Variants in ADARB2 observed in about 807,000 individuals in gnomAD.
ADARB2 encodes inactive double-stranded RNA-specific editase B2.
A neutral mutation model predicts 62.2 loss-of-function variants in ADARB2; 25 were observed. The ratio of observed to expected loss-of-function variants is 0.40; its 90% CI spans 0.29 to 0.56. The LOEUF is 0.56. Among genes scored for constraint, ADARB2 ranks in the 20% least tolerant of loss-of-function variants. The pLI is 0.43. For synonymous variants in ADARB2, 572 were observed against 500.8 expected, an observed-to-expected ratio of 1.14 and a Z score of -1.90; for missense variants, 1,071 against 1,077.4, an observed-to-expected ratio of 0.99 and a Z score of 0.08.
intron 3 of ADARB2, among the ~76,000 whole-genome samples, chr10:1,351,667 C>T (rs1399461236): frequency 6.6e-6 from 1 of 152,056 alleles, no homozygotes; most frequent in Admixed American, 6.6e-5. Flanking sequence ...ACCGATCATG[C>T]ACCCCTCACC....
chr10:1,252,442 TG>T (rs1430547440), intron 4 of ADARB2, among the ~76,000 whole-genome samples: 1 of 152,230 alleles, frequency 6.6e-6, no homozygotes, highest in Admixed American at 6.5e-5. Flanking sequence ...AGTTTATCAG[TG>T]CTCAGTGTTA....
chr10:1,336,960 A>C (rs1322845328), intron 3 of ADARB2, among the ~76,000 whole-genome samples: 2 of 152,070 alleles, frequency 1.3e-5, no homozygotes, highest in Non-Finnish European at 2.9e-5. Context: ...GCCACAGATA[A>C]TGAGTCCAGA....
intron 1 of ADARB2, among the ~76,000 whole-genome samples, chr10:1,652,196 C>T (rs555439776): frequency 7.2e-5 from 11 of 152,318 alleles, no homozygotes; most frequent in South Asian, 6.2e-4. Flanking sequence ...GGCCACCTCA[C>T]GCCCTGCAGC....
intron 3 of ADARB2, among the ~76,000 whole-genome samples, chr10:1,280,583 G>A (rs1040579008): frequency 2.0e-5 from 3 of 151,138 alleles, no homozygotes; most frequent in South Asian, 2.1e-4. Context: ...CCTAAGTGAC[G>A]CTCCGTGAAA....
chr10:1,395,784 G>A (rs1324179857), intron 1 of ADARB2, among the ~76,000 whole-genome samples: 2 of 152,236 alleles, frequency 1.3e-5, no homozygotes, highest in Non-Finnish European at 2.9e-5. Context: ...GCCCTCCTGT[G>A]ATGGCCAGGC....
intron 4 of ADARB2, among the ~76,000 whole-genome samples, chr10:1,254,778 A>C (rs1376048580): frequency 6.6e-6 from 1 of 152,268 alleles, no homozygotes; most frequent in Admixed American, 6.5e-5. Flanking sequence ...ATCAAGGGGC[A>C]GTTTCTCTTG....
chr10:1,677,852 G>C (rs1834486407), intron 1 of ADARB2, among the ~76,000 whole-genome samples: 1 of 152,186 alleles, frequency 6.6e-6, no homozygotes, highest in Non-Finnish European at 1.5e-5. Flanking sequence ...GGGACAGCCG[G>C]CAGGCCAGGC....
Position 1,707,292 on chromosome 10 carries a change from G to A in ADARB2, c.100+29759C>T, listed in dbSNP as rs113515939. Reference sequence around the variant, plus strand: ...TCCACCTCGTCAGAGGAGGCAGAGGGAAGACTCCGAAGGAGGAATAGAGGG... The same window carrying A: ...TCCACCTCGTCAGAGGAGGCAGAGGAAAGACTCCGAAGGAGGAATAGAGGG... On this transcript the variant is annotated intron_variant, in intron 1 of 9. Transcript: ENST00000381312. Among the ~76,000 whole-genome samples the A allele has an allele frequency of 3.5e-3, 533 of 152,322 alleles. 3 individuals are homozygous for A. Among genetic ancestry groups the A allele is most frequent in the African/African-American group, 0.011 (438 of 41,580 alleles).
At chr10:1,271,883 C>CTG (rs1831266717) in intron 3 of ADARB2, among the ~76,000 whole-genome samples, 1 of 152,216 alleles carries the variant, frequency 6.6e-6, no homozygotes, top group African/African-American at 2.4e-5. Context: ...GTAGGGAAGC[C>CTG]TGGTTGGACC....
intron 1 of ADARB2, among the ~76,000 whole-genome samples, chr10:1,427,347 TA>T (rs1193950036): frequency 2.0e-5 from 3 of 152,126 alleles, no homozygotes; most frequent in Admixed American, 6.5e-5. Flanking sequence ...GACTTATGTC[TA>T]AAAAAATATA....
chr10:1,512,845 T>G (rs965856869), intron 1 of ADARB2, among the ~76,000 whole-genome samples: 1 of 152,182 alleles, frequency 6.6e-6, no homozygotes, highest in East Asian at 1.9e-4. Flanking sequence ...ATCTGGAGTC[T>G]GTGCTGGGCT....
At chr10:1,633,215 A>G (rs1833864342) in intron 1 of ADARB2, among the ~76,000 whole-genome samples, 1 of 152,056 alleles carries the variant, frequency 6.6e-6, no homozygotes, top group South Asian at 2.1e-4. Context: ...TTCCTGGTTC[A>G]CCAGTGCCCA....
At position 1,303,125 on chromosome 10, in the gene ADARB2, T is replaced by C. The variant is rs1831591243; in HGVS notation, c.1078-32056A>G. On this transcript the variant is annotated intron_variant, in intron 3 of 9. Coordinates refer to ENST00000381312, the MANE Select transcript of ADARB2 (RefSeq NM_018702.4). ...AACCAAAGGCAAAGAAGTTGAAAAC[T>C]TTGAAAAAAATTTAGAAGAATTTGT... Among the ~76,000 whole-genome samples, 3 of 151,596 alleles carry C rather than the reference T, an allele frequency of 2.0e-5. No homozygotes were observed. In the South Asian group the frequency reaches 6.2e-4, roughly 32 times the overall value.
chr10:1,420,643 G>T (rs1372247340), intron 1 of ADARB2, among the ~76,000 whole-genome samples: 1 of 150,304 alleles, frequency 6.7e-6, no homozygotes. Flanking sequence ...CAGAGGAAAG[G>T]AAATAGCTCG....
chr10:1,258,063 C>G (rs1831096339), intron 4 of ADARB2, among the ~76,000 whole-genome samples: 1 of 152,172 alleles, frequency 6.6e-6, no homozygotes, highest in South Asian at 2.1e-4. Context: ...ACAGATAATG[C>G]ACAGTCATTT....
chr10:1,304,256 C>A (rs1297031451), intron 3 of ADARB2, among the ~76,000 whole-genome samples: 2 of 151,924 alleles, frequency 1.3e-5, no homozygotes, highest in South Asian at 2.1e-4. Flanking sequence ...TTTAAACCAA[C>A]AAAGATCAAA....
chr10:1,353,548 C>T (rs539232191), intron 3 of ADARB2, among the ~76,000 whole-genome samples: 21 of 152,206 alleles, frequency 1.4e-4, no homozygotes, highest in Admixed American at 7.8e-4. Context: ...AGCAAGCCAC[C>T]GCCCTCCTCC....
At chr10:1,258,895 G>C (rs533675441) in intron 4 of ADARB2, among the ~76,000 whole-genome samples, 6 of 152,262 alleles carry the variant, frequency 3.9e-5, no homozygotes, top group African/African-American at 1.4e-4. Flanking sequence ...CCACATAGTT[G>C]GAAGTAAAGC....
At chr10:1,617,855 G>A (rs535489005) in intron 1 of ADARB2, among the ~76,000 whole-genome samples, 1 of 152,372 alleles carries the variant, frequency 6.6e-6, no homozygotes, top group South Asian at 2.1e-4. Context: ...AGGGAGGGAG[G>A]CTCAAGGGTT....
Sources: allele counts gnomAD v4.1 joint callset (sites outside exome capture counted in the v4.1 genomes callset), GRCh38; gene constraint gnomAD v4.1.1; transcripts MANE v1.5; gene names NCBI Gene and HGNC (gene_info 2026-07-23, HGNC 2026-07-21).